The following FAM81A variants were observed in gnomAD, a reference collection of about 807,000 sequenced individuals.
The protein encoded by FAM81A is protein FAM81A.
A neutral mutation model predicts 46.7 loss-of-function variants in FAM81A; 19 were observed. The ratio of observed to expected loss-of-function variants is 0.41; its 90% confidence interval spans 0.28 to 0.60. FAM81A has a LOEUF of 0.60. Among genes scored for constraint, FAM81A ranks in the 20% least tolerant of loss-of-function variants. The pLI is 0.34. For missense variants in FAM81A, 377 were observed against 453.5 expected (o/e 0.83, Z 1.53); for synonymous variants, 183 against 152.9 (o/e 1.20, Z -1.45).
At chr15:59,518,967 G>GTA (rs146711754) in intron 8 of FAM81A, among the ~76,000 whole-genome samples, 1 of 151,588 alleles carries the variant, frequency 6.6e-6, no homozygotes, top group East Asian at 1.9e-4. Context: ...GTGTGTGTGT[G>GTA]TGTGTGTGTG....
At chr15:59,462,218 A>C (rs1036917304) in intron 3 of FAM81A, among the ~76,000 whole-genome samples, 1 of 152,004 alleles carries the variant, frequency 6.6e-6, no homozygotes. Context: ...AAAAAAAAAA[A>C]AACATAGCCA....
intron 2 of FAM81A, among the ~76,000 whole-genome samples, chr15:59,424,766 C>T (rs185125941): frequency 9.3e-4 from 142 of 152,314 alleles, no homozygotes; most frequent in Non-Finnish European, 1.4e-3. Context: ...GTCAGTCCAC[C>T]GTGTCTATAT....
At chr15:59,493,460 C>A (rs760395193) in intron 4 of FAM81A, among the ~76,000 whole-genome samples, 1 of 152,200 alleles carries the variant, frequency 6.6e-6, no homozygotes. Flanking sequence ...CCTCTTCTCT[C>A]TCTACCCTTG....
intron 1 of FAM81A, among the ~76,000 whole-genome samples, chr15:59,456,399 A>G (rs2081484899): frequency 6.6e-6 from 1 of 152,158 alleles, no homozygotes; most frequent in Non-Finnish European, 1.5e-5. Flanking sequence ...GAAAGGAAGT[A>G]GAGGTTGGAG....
Position 59,411,150 on chromosome 15 carries a change from C to A in FAM81A, c.-78+8792C>A, listed in dbSNP as rs142713624. 8.5e-5 allele frequency among the ~76,000 whole-genome samples: 13 copies of A among 152,282 alleles called. No homozygotes were observed. The East Asian group carries it at 1.9e-3, about 23-fold the overall frequency. ...TTTTATAATTACTTTATTCTAAGAT[C>A]TTGCCCTGTGAATGACCCCAAATAT... On this transcript the variant is annotated intron_variant, in intron 2 of 4. Transcript: ENST00000558348.
chr15:59,497,128 AAAGAAGAAG>A lies in FAM81A; in HGVS notation c.413+4757_413+4765del, dbSNP rs367828817. Among the ~76,000 whole-genome samples, 5 of 149,216 alleles carry A rather than the reference AAAGAAGAAG, an allele frequency of 3.4e-5. No homozygotes were observed. The East Asian group carries it at 1.0e-3, about 30-fold the overall frequency. On this transcript the variant is annotated intron_variant, in intron 4 of 8. Transcript: ENST00000288228. Reference sequence around the variant, plus strand: ...AGCAAAACTTTGTCTCAAATTTAAAAAAGAAGAAGAAGAAGAAGAAGAAGAAATTTAGGA... The same window carrying A: ...AGCAAAACTTTGTCTCAAATTTAAAAAAGAAGAAGAAGAAGAAATTTAGGA...
upstream of FAM81A, among the ~76,000 whole-genome samples, chr15:59,433,809 T>C (rs1352756969): frequency 6.6e-5 from 10 of 152,214 alleles, no homozygotes. Flanking sequence ...ACCCCACCTT[T>C]GTTCAATGTA....
At chr15:59,482,379 C>T (rs569989843) in intron 3 of FAM81A, among the ~76,000 whole-genome samples, 105 of 152,268 alleles carry the variant, frequency 6.9e-4, no homozygotes, top group Middle Eastern at 6.8e-3. Flanking sequence ...AGCAATTCTC[C>T]TGCCTCAGCC....
Position 59,496,418 on chromosome 15 carries a change from A to C in FAM81A, c.413+4029A>C, listed in dbSNP as rs1200372327. 4.9e-4 allele frequency among the ~76,000 whole-genome samples: 75 copies of C among 152,064 alleles called. 1 individual carries two copies. Among genetic ancestry groups the C allele is most frequent in the Admixed American group, 4.9e-3 (75 of 15,276 alleles). On this transcript the variant is annotated intron_variant, in intron 4 of 8. Transcript: ENST00000288228. ...TCAGGAGTTCAAGACCAGCCTGACC[A>C]ATATGGTGAAACCCCGTCTCTACTA...
At chr15:59,464,404 A>G (rs1170269876) in intron 3 of FAM81A, among the ~76,000 whole-genome samples, 2 of 152,222 alleles carry the variant, frequency 1.3e-5, no homozygotes, top group Non-Finnish European at 2.9e-5. Flanking sequence ...ACTTTTCTCC[A>G]TAGTGGCTGT....
At chr15:59,471,107 A>C (rs1381451966) in intron 3 of FAM81A, among the ~76,000 whole-genome samples, 2 of 152,140 alleles carry the variant, frequency 1.3e-5, no homozygotes, top group Non-Finnish European at 2.9e-5. Context: ...GAGTCACCAC[A>C]CTTGGCTGAG....
intron 1 of FAM81A, chr15:59,445,543 A>G (rs1444241105): frequency 2.0e-5 from 3 of 152,210 alleles, no homozygotes; most frequent in Admixed American, 1.3e-4. Flanking sequence ...TACTCCACGT[A>G]AAAGAGTAAA....
chr15:59,436,578 C>G (rs1188765428), upstream of FAM81A, among the ~76,000 whole-genome samples: 1 of 152,100 alleles, frequency 6.6e-6, no homozygotes, highest in Admixed American at 6.5e-5. Context: ...GTGATGGACT[C>G]TAGGTTTGAA....
At chr15:59,503,430 AC>A (rs2082116177) in intron 4 of FAM81A, among the ~76,000 whole-genome samples, 1 of 152,120 alleles carries the variant, frequency 6.6e-6, no homozygotes, top group Admixed American at 6.6e-5. Context: ...TTTTAACTTT[AC>A]AAAGTATTAT....
chr15:59,457,985 A>G (rs1410551123), intron 1 of FAM81A, among the ~76,000 whole-genome samples: 1 of 152,246 alleles, frequency 6.6e-6, no homozygotes, highest in Non-Finnish European at 1.5e-5. Flanking sequence ...ATCTTATTAT[A>G]AAGTTTTCAA....
chr15:59,516,570 ATAT>A, intron 7 of FAM81A, 72 bp from the exon 8 acceptor site: 1 of 1,447,904 alleles, frequency 6.9e-7, no homozygotes, highest in Admixed American at 2.2e-5. Context: ...TTGTTAAACG[ATAT>A]TATGGCTGAT....
chr15:59,461,510 A>G (rs1040488935), intron 3 of FAM81A, among the ~76,000 whole-genome samples: 5 of 152,096 alleles, frequency 3.3e-5, no homozygotes, highest in African/African-American at 1.2e-4. Context: ...TTGTAGAGAC[A>G]TCGTCTCACT....
rs546884268 is a variant in FAM81A at position 59,400,700 on chromosome 15, G to A, written c.-160-1576G>A. ...CTGCCCTCCTTTCGGCCTTAGGTCT[G>A]TTCCAAGCTGCAATGCTCTTTTCTT... On this transcript the variant is annotated intron_variant, in intron 1 of 4. Transcript: ENST00000558348. Among the ~76,000 whole-genome samples the A allele has an allele frequency of 2.0e-5, 3 of 152,254 alleles. 1 individual carries two copies. Among genetic ancestry groups the A allele is most frequent in the African/African-American group, 7.2e-5 (3 of 41,532 alleles).
intron 3 of FAM81A, among the ~76,000 whole-genome samples, chr15:59,487,667 A>G (rs2081934421): frequency 6.6e-6 from 1 of 152,156 alleles, no homozygotes. Flanking sequence ...GAAATGGATA[A>G]ATTCTTAGAC....
Sources: gnomAD v4.1 joint callset for allele counts (sites outside exome capture counted in the v4.1 genomes callset) on GRCh38, gnomAD v4.1.1 for gene constraint, MANE v1.5 for transcripts, NCBI Gene and HGNC (gene_info 2026-07-23, HGNC 2026-07-21) for gene names.